The following OSBPL8 variants were observed in gnomAD, a reference collection of about 807,000 sequenced individuals.
OSBPL8 encodes oxysterol-binding protein-related protein 8.
In OSBPL8, 59 loss-of-function variants were observed where a neutral mutation model predicts 125.5. The ratio of observed to expected loss-of-function variants is 0.47; its 90% CI spans 0.38 to 0.58. The LOEUF (loss-of-function observed/expected upper bound fraction) is 0.58. Among genes scored for constraint, OSBPL8 ranks in the 20% least tolerant of loss-of-function variants. OSBPL8 has a pLI of 0.00. For missense variants in OSBPL8, 758 were observed against 1,047.8 expected, an observed-to-expected ratio of 0.72 and a Z score of 3.82; for synonymous variants, 330 against 338.9, an observed-to-expected ratio of 0.97 and a Z score of 0.29.
chr12:76,394,750 A>G (rs758747582), intron 8 of OSBPL8, 21 bp from the exon 9 acceptor site: 3 of 1,547,256 alleles, frequency 1.9e-6, no homozygotes, highest in Non-Finnish European at 2.7e-6. Context: ...AAATAAACAA[A>G]ATAAATGGTA....
chr12:76,356,691 T>A lies in OSBPL8; in HGVS notation c.2472A>T (p.Gly824=). Residue 824 remains glycine (G), a synonymous_variant, in exon 23 of 24, where the codon GGA becomes GGT. Transcript: ENST00000261183. ...AACTCTGAATGTCTCCCAGTTCTAT[T>A]CCTTTCTTTCTTCTTGTACTTGGTT... ...SVKPSTRRKK[G]IELGDIQSSI... The A allele has an allele frequency of 6.2e-7, 1 of 1,610,198 alleles. No individual in the cohort carries two copies. Among genetic ancestry groups the A allele is most frequent in the Non-Finnish European group, 8.5e-7 (1 of 1,177,950 alleles).
intron 4 of OSBPL8, 69 bp downstream of exon 4, chr12:76,450,782 A>ATTCTCCCC (rs1873295775): frequency 2.8e-6 from 4 of 1,433,542 alleles, no homozygotes; most frequent in Non-Finnish European, 3.8e-6. Context: ...CCCAAATGTC[A>ATTCTCCCC]TTCTCCCCTT....
chr12:76,525,397 T>G (rs1414847756), intron 1 of OSBPL8, among the ~76,000 whole-genome samples: 1 of 152,220 alleles, frequency 6.6e-6, no homozygotes, highest in Non-Finnish European at 1.5e-5. Context: ...TTATTTGACA[T>G]GACCATTACT....
chr12:76,441,620 C>T (rs1473066903), intron 4 of OSBPL8, among the ~76,000 whole-genome samples: 1 of 151,780 alleles, frequency 6.6e-6, no homozygotes, highest in Non-Finnish European at 1.5e-5. Context: ...AGCTAAGAAA[C>T]GAGTACAGGT....
intron 10 of OSBPL8, among the ~76,000 whole-genome samples, 155 bp downstream of exon 10, chr12:76,392,426 G>T (rs564087556): frequency 2.6e-5 from 4 of 152,308 alleles, no homozygotes; most frequent in African/African-American, 9.6e-5. Context: ...GATTATAGCA[G>T]CTAAACAAAT....
At chr12:76,554,060 A>AT (rs1176661919) in intron 1 of OSBPL8, among the ~76,000 whole-genome samples, 1 of 151,694 alleles carries the variant, frequency 6.6e-6, no homozygotes, top group Non-Finnish European at 1.5e-5. Flanking sequence ...TTTTTTAATT[A>AT]TAACAACTTA....
chr12:76,491,226 T>TA (rs1327865680), intron 1 of OSBPL8, among the ~76,000 whole-genome samples: 14 of 152,188 alleles, frequency 9.2e-5, no homozygotes, highest in Non-Finnish European at 1.8e-4. Context: ...ATTTAGTTGA[T>TA]AAAACAGCGG....
At chr12:76,501,409 A>G (rs529424758) in intron 1 of OSBPL8, among the ~76,000 whole-genome samples, 75 of 152,334 alleles carry the variant, frequency 4.9e-4, no homozygotes, top group Middle Eastern at 3.4e-3. Context: ...GAAGAAAAGG[A>G]GAATATGTAA....
At chr12:76,378,680 C>T (rs1952921425) in intron 15 of OSBPL8, 130 bp from the exon 16 acceptor site, 2 of 636,052 alleles carry the variant, frequency 3.1e-6, no homozygotes, top group African/African-American at 1.8e-5. Flanking sequence ...TCTCAATGTG[C>T]CCAAACATGT....
chr12:76,498,643 A>T (rs1879530601), intron 1 of OSBPL8, among the ~76,000 whole-genome samples: 1 of 151,868 alleles, frequency 6.6e-6, no homozygotes, highest in Non-Finnish European at 1.5e-5. Context: ...TCTATCAGGT[A>T]CCATCCTTTC....
intron 4 of OSBPL8, among the ~76,000 whole-genome samples, chr12:76,417,828 C>T (rs1868898015): frequency 6.6e-6 from 1 of 152,076 alleles, no homozygotes; most frequent in Non-Finnish European, 1.5e-5. Flanking sequence ...TCCAAGAAGC[C>T]TTACCAGCCT....
intron 18 of OSBPL8, among the ~76,000 whole-genome samples, chr12:76,373,009 CA>C (rs1293474254): frequency 6.6e-6 from 1 of 152,066 alleles, no homozygotes; most frequent in Non-Finnish European, 1.5e-5. Context: ...CAATAATAAA[CA>C]ATAATAAAAT....
chr12:76,387,960 C>T (rs1192494327), intron 12 of OSBPL8, among the ~76,000 whole-genome samples: 2 of 152,128 alleles, frequency 1.3e-5, no homozygotes, highest in African/African-American at 4.8e-5. Context: ...AAAAAGCTTC[C>T]TTTTAAGTTT....
At chr12:76,375,235 C>T (rs754918476) in intron 17 of OSBPL8, 38 bp downstream of exon 17, 5 of 1,373,502 alleles carry the variant, frequency 3.6e-6, no homozygotes, top group Non-Finnish European at 5.1e-6. Flanking sequence ...GTATGGCTCT[C>T]CTTTAGCTAG....
At chr12:76,435,185 T>TGTGC (rs1479292183) in intron 4 of OSBPL8, among the ~76,000 whole-genome samples, 4 of 149,130 alleles carry the variant, frequency 2.7e-5, no homozygotes, top group African/African-American at 2.5e-5. Context: ...TGTGTGTGTG[T>TGTGC]GCATATATAC....
chr12:76,353,303 T>G lies in OSBPL8; in HGVS notation c.*2586A>C, dbSNP rs78008233. 6 of 11,238 alleles carry G rather than the reference T, an allele frequency of 5.3e-4. No individual in the cohort carries two copies. The highest frequency in any genetic ancestry group is 0.083 in the Middle Eastern group (1 of 12). The allele number at this position is 11,238 out of a possible 1,614,324, so 0.7% of individuals were successfully genotyped here. Reference sequence around the variant, plus strand: ...CACATGCCCTATTTATTGTTGTTGTTTTTTTTTTTTTTTTACATGTCCTGG... The same window carrying G: ...CACATGCCCTATTTATTGTTGTTGTGTTTTTTTTTTTTTTACATGTCCTGG... On this transcript the variant is annotated 3_prime_UTR_variant, in exon 24 of 24. Coordinates refer to ENST00000261183, the MANE Select transcript of OSBPL8 (RefSeq NM_020841.5).
chr12:76,466,852 T>C (rs942459058), intron 2 of OSBPL8, among the ~76,000 whole-genome samples: 3 of 150,662 alleles, frequency 2.0e-5, no homozygotes, highest in Admixed American at 6.6e-5. Context: ...CCCAGCTACT[T>C]GGGAGGCTGA....
chr12:76,556,881 G>C (rs1044582648), intron 1 of OSBPL8, among the ~76,000 whole-genome samples: 1 of 152,102 alleles, frequency 6.6e-6, no homozygotes, highest in African/African-American at 2.4e-5. Context: ...GGCCAGGCGG[G>C]TCTTGAACTT....
intron 4 of OSBPL8, among the ~76,000 whole-genome samples, chr12:76,435,711 T>TA (rs1871364085): frequency 6.6e-6 from 1 of 151,980 alleles, no homozygotes; most frequent in Non-Finnish European, 1.5e-5. Flanking sequence ...CAGGCAACAA[T>TA]ACGATTTGTG....
Sources: allele counts gnomAD v4.1 joint callset (sites outside exome capture counted in the v4.1 genomes callset), GRCh38; gene constraint gnomAD v4.1.1; transcripts MANE v1.5; gene names NCBI Gene and HGNC (gene_info 2026-07-23, HGNC 2026-07-21).